Variants in SPECC1L observed in about 807,000 individuals in gnomAD.
The protein encoded by SPECC1L is cytospin-A.
In SPECC1L, 40 loss-of-function variants were observed where a neutral mutation model predicts 116.8. That is an observed-to-expected ratio of 0.34 (90% CI 0.27 to 0.45). SPECC1L has a LOEUF of 0.45. SPECC1L is among the 20% of genes least tolerant of loss of function. The pLI is 1.00. For missense variants in SPECC1L, 1,110 were observed against 1,373.6 expected (o/e 0.81, Z 3.03); for synonymous variants, 504 against 500.6 (o/e 1.01, Z -0.09).
At chr22:24,317,297 T>G (rs1176809448) in intron 4 of SPECC1L, among the ~76,000 whole-genome samples, 2 of 105,982 alleles carry the variant, frequency 1.9e-5, no homozygotes, top group Admixed American at 1.0e-4. Context: ...ACGGGGCGGC[T>G]GGCCAGGCGG....
chr22:24,271,168 C>T (rs1269453747), intron 1 of SPECC1L, among the ~76,000 whole-genome samples, 185 bp downstream of exon 1: 1 of 152,372 alleles, frequency 6.6e-6, no homozygotes, highest in African/African-American at 2.4e-5. Context: ...GCGCCGTCCT[C>T]GTTCTGGGCT....
Position 24,285,591 on chromosome 22 carries a change from G to T in SPECC1L, c.-38+8788G>T, listed in dbSNP as rs531875417. ...AGAGCTGCCTTCTGTGTATCACGTG[G>T]TCTATGTTAAGTGTTATGATCTAAA... is the stretch of plus-strand genomic sequence containing the variant. On this transcript the variant is annotated intron_variant, in intron 2 of 16. Coordinates refer to ENST00000314328, the MANE Select transcript of SPECC1L (RefSeq NM_015330.6). 7.2e-5 allele frequency among the ~76,000 whole-genome samples: 11 copies of T among 152,042 alleles called. No homozygotes were observed. The East Asian group carries it at 1.9e-3, about 27-fold the overall frequency.
chr22:24,311,789 A>C (rs2040464941), intron 3 of SPECC1L, among the ~76,000 whole-genome samples: 1 of 134,270 alleles, frequency 7.4e-6, no homozygotes, highest in Non-Finnish European at 1.6e-5. Flanking sequence ...TCGGTGACAG[A>C]GTGAGACTTT....
chr22:24,374,560 T>G (rs1601305276), intron 14 of SPECC1L, among the ~76,000 whole-genome samples: 2 of 131,522 alleles, frequency 1.5e-5, no homozygotes. Context: ...CACTCATAGG[T>G]GGGAATTGAA....
At chr22:24,335,859 T>G (rs1028428785) in intron 9 of SPECC1L, among the ~76,000 whole-genome samples, 2 of 152,026 alleles carry the variant, frequency 1.3e-5, no homozygotes, top group African/African-American at 4.8e-5. Context: ...TTTATATGTA[T>G]TATGTATAAT....
intron 2 of SPECC1L, among the ~76,000 whole-genome samples, chr22:24,283,300 G>A (rs956024102): frequency 6.6e-6 from 1 of 150,884 alleles, no homozygotes; most frequent in East Asian, 1.9e-4. Flanking sequence ...GGATGGTCTC[G>A]ATCTCCTGAC....
intron 2 of SPECC1L, among the ~76,000 whole-genome samples, chr22:24,289,148 A>G (rs1230900313): frequency 6.6e-6 from 1 of 152,222 alleles, no homozygotes; most frequent in African/African-American, 2.4e-5. Flanking sequence ...CTGTGGTTTG[A>G]AAGGATCCTG....
intron 11 of SPECC1L, among the ~76,000 whole-genome samples, chr22:24,355,777 A>G (rs2041520581): frequency 6.6e-6 from 1 of 151,200 alleles, no homozygotes; most frequent in African/African-American, 2.4e-5. Context: ...AATTTGTCAT[A>G]GTCTGCATTC....
At chr22:24,375,949 C>CAAAA (rs200065821) in intron 14 of SPECC1L, among the ~76,000 whole-genome samples, 1 of 149,530 alleles carries the variant, frequency 6.7e-6, no homozygotes, top group Non-Finnish European at 1.5e-5. Flanking sequence ...GACTCTGTCT[C>CAAAA]AAAACAAACA....
At chr22:24,411,752 G>A (rs201725482) in intron 15 of SPECC1L, 48 bp downstream of exon 15, 12 of 1,502,928 alleles carry the variant, frequency 8.0e-6, no homozygotes, top group Non-Finnish European at 1.1e-5. Context: ...CAGGGTTGGA[G>A]GGCTGAGAAC....
chr22:24,374,556 T>C (rs922369462), intron 14 of SPECC1L, among the ~76,000 whole-genome samples: 1 of 137,296 alleles, frequency 7.3e-6, no homozygotes. Flanking sequence ...TTCTCACTCA[T>C]AGGTGGGAAT....
At chr22:24,301,364 T>C (rs1178113368) in intron 2 of SPECC1L, among the ~76,000 whole-genome samples, 3 of 152,244 alleles carry the variant, frequency 2.0e-5, no homozygotes, top group Admixed American at 2.0e-4. Flanking sequence ...TTGGTACAGA[T>C]GCTCCTTTAT....
chr22:24,350,417 TGAAA>T (rs2146575989), intron 11 of SPECC1L, among the ~76,000 whole-genome samples: 1 of 152,136 alleles, frequency 6.6e-6, no homozygotes, highest in East Asian at 1.9e-4. Context: ...GTGAGGTGAG[TGAAA>T]GAAAGAAGAG....
At chr22:24,351,806 T>C (rs914547926) in intron 11 of SPECC1L, among the ~76,000 whole-genome samples, 7 of 152,344 alleles carry the variant, frequency 4.6e-5, no homozygotes, top group Non-Finnish European at 8.8e-5. Context: ...TCTTATTTAC[T>C]TAGGGATGAA....
chr22:24,331,719 G>A (rs5760349), intron 8 of SPECC1L, among the ~76,000 whole-genome samples: 5,574 of 152,160 alleles, frequency 0.037, 304 homozygotes, highest in South Asian at 0.12. Context: ...CCTTTTCACT[G>A]TGTTGACTTC....
In SPECC1L at chr22:24,347,098, A is replaced by G; in HGVS notation, c.2665A>G (p.Ser889Gly). Residue 889 changes from serine to glycine, a missense_variant, in exon 11 of 17, where the codon AGT becomes GGT. By Grantham distance (56) the Ser-to-Gly change is moderately conservative. Transcript: ENST00000314328. ...AVSPMQRHSI[S>G]GPISTSKPLT... ...CTTATGATTTCAGAGACATTCCATA[A>G]GTGGACCAATCTCAACATCCAAACC... 5 of 1,613,872 alleles carry G rather than the reference A, an allele frequency of 3.1e-6. No individual in the cohort carries two copies. Among genetic ancestry groups the G allele is most frequent in the Non-Finnish European group, 4.2e-6 (5 of 1,179,760 alleles).
intron 3 of SPECC1L, among the ~76,000 whole-genome samples, chr22:24,307,630 C>T (rs369198809): frequency 3.3e-5 from 5 of 151,614 alleles, no homozygotes; most frequent in African/African-American, 9.7e-5. Flanking sequence ...TATGTACGTA[C>T]GTGTATGTGT....
chr22:24,272,726 C>T (rs543121083), intron 1 of SPECC1L, among the ~76,000 whole-genome samples: 2 of 150,382 alleles, frequency 1.3e-5, no homozygotes, highest in African/African-American at 4.9e-5. Context: ...ACCAAACCAA[C>T]ATAGAAGGGT....
At chr22:24,381,823 G>T (rs896728768) in intron 14 of SPECC1L, among the ~76,000 whole-genome samples, 5 of 152,190 alleles carry the variant, frequency 3.3e-5, no homozygotes, top group Admixed American at 6.5e-5. Flanking sequence ...GGCAGAGGTT[G>T]CAGTGAGCCA....
Sources: gnomAD v4.1 joint callset for allele counts (sites outside exome capture counted in the v4.1 genomes callset) on GRCh38, gnomAD v4.1.1 for gene constraint, MANE v1.5 for transcripts, NCBI Gene and HGNC (gene_info 2026-07-23, HGNC 2026-07-21) for gene names.